SIMC1: variants seen among roughly 807,000 people sequenced by gnomAD.
SIMC1 encodes the protein SUMO interacting motifs containing 1.
In SIMC1, 55 loss-of-function variants were observed where a neutral mutation model predicts 82.3. That is an observed-to-expected ratio of 0.67 (90% CI 0.54 to 0.84). SIMC1 has a LOEUF of 0.84. Ranked by LOEUF, SIMC1 falls within the 40% of genes least tolerant of loss-of-function variation. SIMC1 has a pLI of 0.00. For missense variants in SIMC1, 915 were observed against 1,107.2 expected (o/e 0.83, Z 2.46); for synonymous variants, 353 against 426.3 (o/e 0.83, Z 2.12).
At chr5:176,306,921 TAAAA>T (rs778639984) in intron 4 of SIMC1, among the ~76,000 whole-genome samples, 1 of 91,434 alleles carries the variant, frequency 1.1e-5, no homozygotes, top group African/African-American at 3.9e-5. Context: ...AAAAATAAAT[TAAAA>T]AAAAAAAATA....
At chr5:176,319,214 T>A (rs1427784890) in intron 5 of SIMC1, among the ~76,000 whole-genome samples, 2 of 152,264 alleles carry the variant, frequency 1.3e-5, no homozygotes, top group Non-Finnish European at 2.9e-5. Context: ...CCAAATGTGC[T>A]TATCCTAGGT....
At chr5:176,308,610 G>A in intron 4 of SIMC1, 2 of 1,584,716 alleles carry the variant, frequency 1.3e-6, no homozygotes, top group East Asian at 4.5e-5. Flanking sequence ...AAAGAGTTCA[G>A]AGTCCCTTCA....
chr5:176,324,557 A>G (rs1765293571), intron 6 of SIMC1, 72 bp from the exon 7 acceptor site: 1 of 1,521,224 alleles, frequency 6.6e-7, no homozygotes, highest in Admixed American at 2.0e-5. Flanking sequence ...ACTGGTGGGG[A>G]CCTCCTCCCA....
Position 176,290,379 on chromosome 5 carries a change from A to G in SIMC1, c.855A>G (p.Leu285=). ...IPGPPQDSLG[L]PQDVPGLPQS... Reference sequence around the variant, plus strand: ...GCCCACCTCAAGACTCTCTGGGCCTACCTCAAGATGTGCCAGGGCTGCCTC... The same window carrying G: ...GCCCACCTCAAGACTCTCTGGGCCTGCCTCAAGATGTGCCAGGGCTGCCTC... Residue 285 remains leucine, a synonymous_variant, in exon 2 of 10, where the codon CTA becomes CTG. Transcript: ENST00000429602. 4 of 1,614,008 alleles carry G rather than the reference A, an allele frequency of 2.5e-6. No individual in the cohort carries two copies. Among genetic ancestry groups the G allele is most frequent in the Non-Finnish European group, 3.4e-6 (4 of 1,179,894 alleles).
Position 176,289,834 on chromosome 5 carries a change from T to A in SIMC1, c.310T>A (p.Ser104Thr). The change falls in exon 2 of 10, where the codon TCT becomes ACT. Residue 104 changes from serine to threonine, a missense_variant. Coordinates refer to ENST00000429602, the MANE Select transcript of SIMC1 (RefSeq NM_001308195.2). Reference protein sequence around the residue: ...PTSLQTCASLSGKAVMEGHVD... With the variant: ...PTSLQTCASLTGKAVMEGHVD... Reference sequence around the variant, plus strand: ...CAGTCTTCAGACATGTGCCAGCCTCTCTGGCAAAGCGGTGATGGAAGGGCA... The same window carrying A: ...CAGTCTTCAGACATGTGCCAGCCTCACTGGCAAAGCGGTGATGGAAGGGCA... 1 of 1,613,970 alleles carries A rather than the reference T, an allele frequency of 6.2e-7. No homozygotes were observed. The highest frequency in any genetic ancestry group is 1.3e-5 in the African/African-American group (1 of 75,032).
At chr5:176,339,191 G>A (rs1406466237) in intron 9 of SIMC1, among the ~76,000 whole-genome samples, 2 of 152,032 alleles carry the variant, frequency 1.3e-5, no homozygotes, top group Non-Finnish European at 2.9e-5. Context: ...GTGAAACCCC[G>A]TCTCTACTAA....
intron 1 of SIMC1, among the ~76,000 whole-genome samples, chr5:176,264,394 C>T (rs568560610): frequency 2.9e-4 from 44 of 152,372 alleles, no homozygotes; most frequent in African/African-American, 9.9e-4. Flanking sequence ...ATACATCTTC[C>T]GAAATCTAGG....
At chr5:176,336,596 TC>T in intron 7 of SIMC1, 123 bp from the exon 8 acceptor site, 2 of 1,335,056 alleles carry the variant, frequency 1.5e-6, no homozygotes, top group Non-Finnish European at 2.0e-6. Context: ...TCTGTGGGCT[TC>T]CATGGTATTC....
At chr5:176,308,402 C>T in intron 4 of SIMC1, 2 of 1,606,498 alleles carry the variant, frequency 1.2e-6, no homozygotes, top group African/African-American at 1.3e-5. Context: ...TGACAGGCCA[C>T]CCCATGAGAG....
At chr5:176,322,222 T>TC in intron 5 of SIMC1, 51 bp from the exon 6 acceptor site, 1 of 1,507,250 alleles carries the variant, frequency 6.6e-7, no homozygotes. Flanking sequence ...ATTTTTTTTT[T>TC]CTGCACAGAA....
At chr5:176,318,647 A>G (rs1349700109) in intron 5 of SIMC1, among the ~76,000 whole-genome samples, 1 of 152,174 alleles carries the variant, frequency 6.6e-6, no homozygotes, top group Non-Finnish European at 1.5e-5. Context: ...AGAAAGGTGT[A>G]TAGGAAGTAA....
intron 1 of SIMC1, among the ~76,000 whole-genome samples, chr5:176,275,261 G>A (rs1264277345): frequency 2.0e-5 from 3 of 151,752 alleles, no homozygotes; most frequent in Non-Finnish European, 4.4e-5. Flanking sequence ...GTTCACTCAT[G>A]ATTTGGCTCT....
chr5:176,312,573 A>G (rs1764710956), intron 4 of SIMC1, among the ~76,000 whole-genome samples: 1 of 151,748 alleles, frequency 6.6e-6, no homozygotes, highest in Non-Finnish European at 1.5e-5. Flanking sequence ...TAGCACAGGT[A>G]CATGATTTTT....
At position 176,337,101 on chromosome 5, in the gene SIMC1, G is replaced by T. The variant is rs1420984351; in HGVS notation, c.2368G>T (p.Glu790Ter). The change falls in exon 9 of 10, where the codon GAG (glutamate) becomes TAG (stop). Residue 790 changes from glutamate (E) to a stop codon, truncating the protein, a stop_gained. Coordinates refer to ENST00000429602, the MANE Select transcript of SIMC1 (RefSeq NM_001308195.2). LOFTEE classifies it high-confidence loss of function. ...GTGGCAGACTTGGGACGAATTGGTT[G>T]AGCATCTGCAGTTTCTGCTGTCCAG... is the stretch of plus-strand genomic sequence containing the variant. ...SQWQTWDELV[E>*]HLQFLLSSYQ... is the part of the protein sequence containing the mutation. 1 of 1,614,012 alleles carries T rather than the reference G, an allele frequency of 6.2e-7. No homozygotes were observed. Among genetic ancestry groups the T allele is most frequent in the Non-Finnish European group, 8.5e-7 (1 of 1,179,902 alleles).
At chr5:176,342,368 C>T (rs1049097549) in intron 9 of SIMC1, among the ~76,000 whole-genome samples, 2 of 152,140 alleles carry the variant, frequency 1.3e-5, no homozygotes, top group Non-Finnish European at 2.9e-5. Flanking sequence ...TAGTACTTGT[C>T]TCCCTTTTAT....
chr5:176,337,602 C>T (rs73805780), intron 9 of SIMC1, among the ~76,000 whole-genome samples: 9,588 of 151,826 alleles, frequency 0.063, 419 homozygotes, highest in African/African-American at 0.12. Flanking sequence ...TCAAGGGGGG[C>T]GGAAAAAAAG....
At chr5:176,339,074 A>G (rs922111993) in intron 9 of SIMC1, among the ~76,000 whole-genome samples, 1 of 152,190 alleles carries the variant, frequency 6.6e-6, no homozygotes, top group Admixed American at 6.5e-5. Flanking sequence ...TTAAAAGAGT[A>G]CATTGTCGGC....
At chr5:176,300,861 G>A (rs1764012010) in intron 4 of SIMC1, among the ~76,000 whole-genome samples, 6 of 152,094 alleles carry the variant, frequency 3.9e-5, no homozygotes, top group Admixed American at 3.9e-4. Context: ...AATAAATGGA[G>A]TAATTCCTAG....
rs749075865 is a variant in SIMC1 at position 176,336,856 on chromosome 5, A to G, written c.2308A>G (p.Thr770Ala). The change falls in exon 8 of 10, where the codon ACG becomes GCG. Residue 770 changes from threonine to alanine, a missense_variant. Around this residue, in one of 2 missense-constraint regions of SIMC1, gnomAD observed 902 missense variants for 1,040.3 expected, o/e 0.87. Coordinates refer to ENST00000429602, the MANE Select transcript of SIMC1 (RefSeq NM_001308195.2). ...AQALYFLNNS[T>A]SLLKCQSDKS... is the part of the protein sequence containing the mutation. The stretch of plus-strand genomic sequence containing the variant: ...GGCCCTCTACTTTCTGAATAATTCT[A>G]CGTCACTGCTCAAGTGTCAGGTACA... 8.7e-6 allele frequency: 14 copies of G among 1,613,810 alleles called. No individual in the cohort carries two copies. The highest frequency in any genetic ancestry group is 1.6e-4 in the Middle Eastern group (1 of 6,084).
Sources: gnomAD v4.1 joint callset for allele counts (sites outside exome capture counted in the v4.1 genomes callset) on GRCh38, gnomAD v4.1.1 for gene constraint, gnomAD v4.1.1 regional missense constraint, MANE v1.5 for transcripts, NCBI Gene and HGNC (gene_info 2026-07-23, HGNC 2026-07-21) for gene names.